POLR1A: variants seen among roughly 807,000 people sequenced by gnomAD.
POLR1A encodes RNA polymerase I subunit A, also known as DNA-directed RNA polymerase I subunit RPA1.
Under a neutral mutation model 205.3 loss-of-function variants are expected in POLR1A, and 84 were observed. The observed-to-expected ratio is 0.41, with a 90% CI of 0.34 to 0.49. POLR1A has a LOEUF of 0.49. Among genes scored for constraint, POLR1A ranks in the 20% least tolerant of loss-of-function variants. The pLI, the probability that POLR1A is intolerant of heterozygous loss-of-function variation, is 0.22. For missense variants in POLR1A, 1,645 were observed against 2,204.5 expected, an observed-to-expected ratio of 0.75 and a Z score of 5.08; for synonymous variants, 799 against 863.7, an observed-to-expected ratio of 0.93 and a Z score of 1.31.
chr2:86,033,845 C>G, intron 27 of POLR1A, 58 bp from the exon 28 acceptor site: 1 of 1,597,316 alleles, frequency 6.3e-7, no homozygotes, highest in Non-Finnish European at 8.5e-7. Context: ...CAGCCCTACC[C>G]TCATTTGGGG....
intron 2 of POLR1A, among the ~76,000 whole-genome samples, chr2:86,099,379 T>A (rs1484824921): frequency 1.3e-5 from 2 of 150,784 alleles, no homozygotes; most frequent in African/African-American, 4.9e-5. Context: ...AAAAGACACT[T>A]CTCTTTAACA....
chr2:86,053,800 G>C (rs1441014573), intron 15 of POLR1A, among the ~76,000 whole-genome samples: 2 of 152,112 alleles, frequency 1.3e-5, no homozygotes, highest in Admixed American at 1.3e-4. Flanking sequence ...TCAGAGTTAT[G>C]GGTGTGGAGC....
intron 28 of POLR1A, 111 bp from the exon 29 acceptor site, chr2:86,032,493 C>T (rs1315290424): frequency 8.9e-6 from 7 of 788,836 alleles, no homozygotes; most frequent in Non-Finnish European, 1.5e-5. Context: ...CCCTTCTAAC[C>T]CCTTCTCCCA....
chr2:86,071,244 G>GCA (rs1434214368), intron 12 of POLR1A, among the ~76,000 whole-genome samples: 47 of 125,260 alleles, frequency 3.8e-4, no homozygotes, highest in Non-Finnish European at 7.0e-4. Flanking sequence ...GTGTGTGTGT[G>GCA]TGTGTGTGTG....
In POLR1A at chr2:86,042,037, A is replaced by G; in HGVS notation, c.3424T>C (p.Cys1142Arg). Residue 1142 changes from cysteine (C) to arginine (R), a missense_variant, in exon 24 of 34, where the codon TGT becomes CGT. Transcript: ENST00000263857. ...CAGACAGACAGACTGGGGTCAGGACAAGCGGCCGCCTTCTTCTGGTATTTC... is the reference window on the plus strand; with the variant it reads ...CAGACAGACAGACTGGGGTCAGGACGAGCGGCCGCCTTCTTCTGGTATTTC... ...RRKYQKKAAA[C>R]PDPSLSVWRP... is the part of the protein sequence containing the mutation. 6.2e-7 allele frequency: 1 copy of G among 1,613,956 alleles called. No homozygotes were observed. The highest frequency in any genetic ancestry group is 8.5e-7 in the Non-Finnish European group (1 of 1,180,026).
intron 14 of POLR1A, among the ~76,000 whole-genome samples, chr2:86,060,113 C>A (rs545954227): frequency 2.8e-4 from 42 of 152,272 alleles, no homozygotes; most frequent in Middle Eastern, 6.8e-3. Context: ...GTATCATCTA[C>A]CATAGCAGTA....
intron 6 of POLR1A, among the ~76,000 whole-genome samples, chr2:86,088,114 G>A (rs1310286632): frequency 3.3e-5 from 5 of 152,156 alleles, no homozygotes; most frequent in Non-Finnish European, 7.4e-5. Context: ...AATTCTACCT[G>A]GGGGGATCTG....
chr2:86,031,679 C>G (rs1014303458), intron 29 of POLR1A, 44 bp from the exon 30 acceptor site: 13 of 1,574,432 alleles, frequency 8.3e-6, no homozygotes, highest in Non-Finnish European at 1.7e-6. Context: ...GGGGACCCAC[C>G]ATCTACCTGG....
chr2:86,070,311 G>A lies in POLR1A; in HGVS notation c.1612-39C>T, dbSNP rs200899115. On this transcript the variant is annotated intron_variant, in intron 12 of 33. Coordinates refer to ENST00000263857, the MANE Select transcript of POLR1A (RefSeq NM_015425.6). This position sits in a 1 kb window ranked among gnomAD's most constrained non-coding sequence, Gnocchi z 4.4. The stretch of plus-strand genomic sequence containing the variant: ...GGACAGGTGGGTGATCAGTGCAAAC[G>A]TCAGTATCACCACGGCTCTTTCCAA... 69 of 1,562,240 alleles carry A rather than the reference G, an allele frequency of 4.4e-5. No homozygotes were observed. Among genetic ancestry groups the A allele is most frequent in the Admixed American group, 1.1e-4 (6 of 56,210 alleles).
At chr2:86,053,409 G>A (rs1573812937) in intron 15 of POLR1A, among the ~76,000 whole-genome samples, 2 of 152,080 alleles carry the variant, frequency 1.3e-5, no homozygotes, top group African/African-American at 2.4e-5. Context: ...CTGAAGTGGC[G>A]AGCTTCAACC....
chr2:86,095,057 C>T (rs549151085), intron 3 of POLR1A, among the ~76,000 whole-genome samples: 5 of 152,336 alleles, frequency 3.3e-5, no homozygotes, highest in Admixed American at 2.0e-4. Flanking sequence ...TCTGGTATTC[C>T]GCACAGGGCT....
chr2:86,040,358 C>T (rs1672579930), intron 25 of POLR1A, 34 bp downstream of exon 25: 6 of 1,538,210 alleles, frequency 3.9e-6, no homozygotes, highest in Non-Finnish European at 5.3e-6. Context: ...GAGGCTAGGA[C>T]AGACCCCACC....
intron 7 of POLR1A, among the ~76,000 whole-genome samples, chr2:86,082,522 A>G (rs1373525721): frequency 6.8e-6 from 1 of 148,090 alleles, no homozygotes; most frequent in Non-Finnish European, 1.5e-5. Flanking sequence ...CCACAGAAGC[A>G]ATCATACTAA....
intron 23 of POLR1A, among the ~76,000 whole-genome samples, chr2:86,042,467 G>A (rs1672626560): frequency 6.6e-6 from 1 of 152,208 alleles, no homozygotes; most frequent in Non-Finnish European, 1.5e-5. Flanking sequence ...CTGGATCCAT[G>A]GTTATTTCTG....
intron 14 of POLR1A, among the ~76,000 whole-genome samples, chr2:86,054,919 G>C (rs1021881597): frequency 1.3e-5 from 2 of 152,238 alleles, no homozygotes; most frequent in East Asian, 1.9e-4. Context: ...AGACCGGCAG[G>C]TGTGACAGGC....
At chr2:86,105,141 T>C (rs959223765) in intron 1 of POLR1A, among the ~76,000 whole-genome samples, 3 of 152,138 alleles carry the variant, frequency 2.0e-5, no homozygotes, top group Non-Finnish European at 4.4e-5. Context: ...GTCATAAAAA[T>C]AGGAGAACTT....
intron 9 of POLR1A, among the ~76,000 whole-genome samples, chr2:86,080,403 A>G (rs1360734875): frequency 3.9e-5 from 6 of 152,198 alleles, no homozygotes; most frequent in African/African-American, 1.4e-4. Context: ...TGGCAACATG[A>G]GCTCTAGTAC....
Position 86,041,184 on chromosome 2 carries a change from T to TGCAC in POLR1A, c.3573-626_3573-625insGTGC, listed in dbSNP as rs1320887956. Among the ~76,000 whole-genome samples, 388 of 123,318 alleles carry TGCAC rather than the reference T, an allele frequency of 3.1e-3. 6 individuals carry two copies. Among genetic ancestry groups the TGCAC allele is most frequent in the African/African-American group, 0.012 (370 of 29,786 alleles). 80.9% of individuals were successfully genotyped at this position (123,318 alleles called of 152,430 possible). On this transcript the variant is annotated intron_variant, in intron 24 of 33. Coordinates refer to ENST00000263857, the MANE Select transcript of POLR1A (RefSeq NM_015425.6). ...GTGTGTGTGTGTGTGTGTGTGTGTG[T>TGCAC]GTGTGTGCGCGCTGAGCTACAGTGT...
chr2:86,029,512 C>G lies in POLR1A; in HGVS notation c.4779+684G>C, dbSNP rs139867512. Among the ~76,000 whole-genome samples, 304 of 152,092 alleles carry G rather than the reference C, an allele frequency of 2.0e-3. 1 individual carries two copies. Among genetic ancestry groups the G allele is most frequent in the African/African-American group, 6.7e-3 (276 of 41,492 alleles). On this transcript the variant is annotated intron_variant, in intron 31 of 33. Coordinates refer to ENST00000263857, the MANE Select transcript of POLR1A (RefSeq NM_015425.6). The stretch of plus-strand genomic sequence containing the variant: ...AGGGCACCTCTACCCCTGGGACCCC[C>G]TTTACCAGATAAAGCAAACAGCATC...
Sources: gnomAD v4.1 joint callset for allele counts (sites outside exome capture counted in the v4.1 genomes callset) on GRCh38, gnomAD v4.1.1 for gene constraint, Gnocchi (gnomAD v3.1) non-coding constraint, MANE v1.5 for transcripts, NCBI Gene and HGNC (gene_info 2026-07-23, HGNC 2026-07-21) for gene names.